The following ZNF100 variants were observed in gnomAD, a reference collection of about 807,000 sequenced individuals.
The protein encoded by ZNF100 is zinc finger protein 100 (Y1).
In ZNF100, 12 loss-of-function variants were observed where a neutral mutation model predicts 15.8. The observed-to-expected ratio is 0.76, with a 90% CI of 0.49 to 1.23. The LOEUF (loss-of-function observed/expected upper bound fraction) is 1.23. Ranked by LOEUF, ZNF100 falls within the 50% of genes most tolerant of loss-of-function variation. ZNF100 has a pLI of 0.00. For missense variants in ZNF100, 670 were observed against 635.6 expected (o/e 1.05, Z -0.58); for synonymous variants, 226 against 214.8 (o/e 1.05, Z -0.45).
intron 4 of ZNF100, among the ~76,000 whole-genome samples, chr19:21,737,786 T>G (rs1361237013): frequency 6.6e-6 from 1 of 152,158 alleles, no homozygotes; most frequent in Non-Finnish European, 1.5e-5. Context: ...TACAGCTGAA[T>G]TCTACCAGAG....
intron 4 of ZNF100, among the ~76,000 whole-genome samples, chr19:21,735,811 C>T (rs1229979105): frequency 7.2e-5 from 11 of 152,126 alleles, no homozygotes; most frequent in East Asian, 3.9e-4. Context: ...TTTTTTGAGA[C>T]GGAGTCTTAC....
chr19:21,745,797 C>T lies in ZNF100; in HGVS notation c.97-730G>A, dbSNP rs148503478. ...TCGGCCTCCCAAAGTGCTGGGATTA[C>T]AGGCGTGAGCCACCACGCCCGGCCG... is the stretch of plus-strand genomic sequence containing the variant. On this transcript the variant is annotated intron_variant, in intron 2 of 4. Coordinates refer to ENST00000358296, the MANE Select transcript of ZNF100 (RefSeq NM_173531.4). Among the ~76,000 whole-genome samples, 571 of 152,310 alleles carry T rather than the reference C, an allele frequency of 3.7e-3. 2 individuals are homozygous for T. Among genetic ancestry groups the T allele is most frequent in the African/African-American group, 0.013 (551 of 41,572 alleles).
At chr19:21,730,435 T>A (rs2035892622) in intron 4 of ZNF100, among the ~76,000 whole-genome samples, 1 of 118,628 alleles carries the variant, frequency 8.4e-6, no homozygotes, top group African/African-American at 3.2e-5. Flanking sequence ...ATTCATTTAC[T>A]GATAACCTAA....
rs1222664797 is a variant in ZNF100, at chr19:21,726,145, CTCT to C, written c.*535_*537del. ...TACTACAATGTTCTTCTTCAAAATA[CTCT>C]TCACTTTAAAAGCTTATATTTTCTT... On this transcript the variant is annotated 3_prime_UTR_variant, in exon 5 of 5. Transcript: ENST00000358296. 2.0e-5 allele frequency: 3 copies of C among 152,816 alleles called. No individual in the cohort carries two copies. The highest frequency in any genetic ancestry group is 2.1e-4 in the South Asian group (1 of 4,862). The allele number at this position is 152,816 out of a possible 1,614,324, so 9.5% of individuals were successfully genotyped here.
At chr19:21,728,064 A>G in intron 4 of ZNF100, 75 bp from the exon 5 acceptor site, 1 of 1,291,546 alleles carries the variant, frequency 7.7e-7, no homozygotes, top group Non-Finnish European at 1.0e-6. Flanking sequence ...TCTAATATAC[A>G]AACTACATAA....
At chr19:21,748,054 T>G (rs1463907608) in intron 2 of ZNF100, among the ~76,000 whole-genome samples, 1 of 152,210 alleles carries the variant, frequency 6.6e-6, no homozygotes, top group Non-Finnish European at 1.5e-5. Flanking sequence ...TTTTTCTATT[T>G]ATATTTACTT....
intron 2 of ZNF100, among the ~76,000 whole-genome samples, chr19:21,748,187 GT>G (rs2036244076): frequency 6.6e-6 from 1 of 152,158 alleles, no homozygotes. Flanking sequence ...AAAATGTATA[GT>G]TTATTTTTCT....
intron 2 of ZNF100, among the ~76,000 whole-genome samples, chr19:21,763,980 TTCA>T (rs1455542059): frequency 6.6e-6 from 1 of 152,164 alleles, no homozygotes; most frequent in South Asian, 2.1e-4. Context: ...CAATAACAAC[TTCA>T]TCATCAGCAA....
rs151215213 is a variant in ZNF100, at chr19:21,746,425, C to T, written c.97-1358G>A. On this transcript the variant is annotated intron_variant, in intron 2 of 4. Transcript: ENST00000358296. ...TATTTAAGTAAGTATTTTCTTAATC[C>T]TGTTCTGCATAGAGCTAATGGAGAA... 2.1e-4 allele frequency among the ~76,000 whole-genome samples: 32 copies of T among 152,254 alleles called. No homozygotes were observed. In the East Asian group the frequency reaches 4.2e-3, roughly 20 times the overall value.
chr19:21,734,648 G>A (rs1375667356), intron 4 of ZNF100, among the ~76,000 whole-genome samples: 3 of 152,048 alleles, frequency 2.0e-5, no homozygotes, highest in African/African-American at 4.8e-5. Flanking sequence ...GGATATCATC[G>A]AGAAAAACTT....
At chr19:21,744,797 C>G (rs2036181780) in intron 3 of ZNF100, 144 bp downstream of exon 3, 3 of 1,312,796 alleles carry the variant, frequency 2.3e-6, no homozygotes, top group African/African-American at 1.5e-5. Context: ...TGAATACATT[C>G]TTTTCCACAC....
In ZNF100 at chr19:21,744,612, C is replaced by T. The variant is rs188008825; in HGVS notation, c.223+329G>A. ...GTCTCAAACTCCTGACCTCGTGACCCGCCTGCCTCAGCCTCCCAAAGTGCT... is the reference window on the plus strand; with the variant it reads ...GTCTCAAACTCCTGACCTCGTGACCTGCCTGCCTCAGCCTCCCAAAGTGCT... On this transcript the variant is annotated intron_variant, in intron 3 of 4. Transcript: ENST00000358296. 5.0e-3 allele frequency among the ~76,000 whole-genome samples: 758 copies of T among 152,140 alleles called. 4 individuals are homozygous for T. Among genetic ancestry groups the T allele is most frequent in the African/African-American group, 0.017 (719 of 41,486 alleles).
At chr19:21,751,566 T>C in intron 2 of ZNF100, 23 of 1,407,702 alleles carry the variant, frequency 1.6e-5, no homozygotes, top group Non-Finnish European at 2.3e-5. Context: ...GCCACTCTTC[T>C]TGCCTCCAAG....
At chr19:21,751,920 A>G (rs1340505884) in intron 2 of ZNF100, 3 of 549,100 alleles carry the variant, frequency 5.5e-6, no homozygotes, top group East Asian at 5.7e-5. Flanking sequence ...CCTCTCTTAA[A>G]GGGAGAAATG....
At chr19:21,731,667 A>G (rs2035922975) in intron 4 of ZNF100, among the ~76,000 whole-genome samples, 1 of 152,194 alleles carries the variant, frequency 6.6e-6, no homozygotes. Context: ...AAATACTGGA[A>G]TATCATCCAG....
chr19:21,766,244 T>C (rs985086666), intron 1 of ZNF100, among the ~76,000 whole-genome samples: 4 of 152,074 alleles, frequency 2.6e-5, no homozygotes, highest in African/African-American at 4.8e-5. Context: ...AAATTTAGTA[T>C]CTTACTGCAA....
chr19:21,750,664 G>A, intron 2 of ZNF100: 1 of 225,314 alleles, frequency 4.4e-6, no homozygotes. Flanking sequence ...GAGCGTGCAG[G>A]GAGGCCGGAG....
Position 21,723,948 on chromosome 19 carries a change from A to G in ZNF100, c.*2735T>C, listed in dbSNP as rs1238068591. The G allele has an allele frequency of 1.3e-5, 2 of 152,248 alleles. No individual in the cohort carries two copies. The highest frequency in any genetic ancestry group is 1.3e-4 in the Admixed American group (2 of 15,286). 9.4% of individuals were successfully genotyped at this position (152,248 alleles called of 1,614,324 possible). ...TTCTAACTAAATAAAATGTAACTTA[A>G]TACACTAATTGTGGAATTACATTTA... On this transcript the variant is annotated 3_prime_UTR_variant, in exon 5 of 5. Transcript: ENST00000358296.
chr19:21,727,235 G>A lies in ZNF100; in HGVS notation c.1077C>T (p.Thr359=). 6.2e-7 allele frequency: 1 copy of A among 1,613,106 alleles called. No homozygotes were observed. The highest frequency in any genetic ancestry group is 8.5e-7 in the Non-Finnish European group (1 of 1,179,746). ...CATGAGTTATCTTATGTGTAGTAAG[G>A]GTTGAGGACTGGTTAAAGGCTTTGC... ...ECGKAFNQSS[T]LTTHKITHAG... The change falls in exon 5 of 5, where the codon ACC becomes ACT. Residue 359 remains threonine, a synonymous_variant. Transcript: ENST00000358296.
Sources: gnomAD v4.1 joint callset for allele counts (sites outside exome capture counted in the v4.1 genomes callset) on GRCh38, gnomAD v4.1.1 for gene constraint, MANE v1.5 for transcripts, NCBI Gene and HGNC (gene_info 2026-07-23, HGNC 2026-07-21) for gene names.